Variants in ERBB4 observed in about 807,000 individuals in gnomAD.
ERBB4 encodes the protein receptor tyrosine-protein kinase erbB-4.
Under a neutral mutation model 158.0 loss-of-function variants are expected in ERBB4, and 42 were observed. That is an observed-to-expected ratio of 0.27 (90% CI 0.21 to 0.34). ERBB4 has a LOEUF of 0.34. Ranked by LOEUF, ERBB4 falls within the 10% of genes least tolerant of loss-of-function variation. ERBB4 has a pLI of 1.00. For missense variants in ERBB4, 1,333 were observed against 1,624.1 expected (o/e 0.82, Z 3.08); for synonymous variants, 583 against 558.7 (o/e 1.04, Z -0.61).
chr2:211,832,248 A>G (rs562336518), intron 3 of ERBB4, among the ~76,000 whole-genome samples: 1 of 152,222 alleles, frequency 6.6e-6, no homozygotes, highest in African/African-American at 2.4e-5. Flanking sequence ...ATGGATTTGA[A>G]AAAAAAGTTG....
At chr2:212,299,644 A>G (rs533004695) in intron 1 of ERBB4, among the ~76,000 whole-genome samples, 3 of 151,570 alleles carry the variant, frequency 2.0e-5, no homozygotes, top group African/African-American at 4.8e-5. Flanking sequence ...CATTATTTAG[A>G]AATAATAGCC....
At chr2:212,369,485 G>A (rs187029360) in intron 1 of ERBB4, among the ~76,000 whole-genome samples, 29 of 151,788 alleles carry the variant, frequency 1.9e-4, no homozygotes, top group Admixed American at 7.9e-4. Flanking sequence ...AATAATTCCC[G>A]TTATCATTTT....
At chr2:212,287,484 A>C (rs1367623786) in intron 1 of ERBB4, among the ~76,000 whole-genome samples, 1 of 152,162 alleles carries the variant, frequency 6.6e-6, no homozygotes, top group Non-Finnish European at 1.5e-5. Flanking sequence ...TTTATGTTTT[A>C]AAATGAATCT....
chr2:211,389,941 T>C (rs894351603), intron 25 of ERBB4, among the ~76,000 whole-genome samples: 5 of 152,226 alleles, frequency 3.3e-5, no homozygotes, highest in Non-Finnish European at 7.3e-5. Flanking sequence ...AAGCTACTCA[T>C]CAGAGGCATT....
chr2:211,941,760 C>A (rs949963059), intron 3 of ERBB4, among the ~76,000 whole-genome samples: 2 of 146,996 alleles, frequency 1.4e-5, no homozygotes, highest in Non-Finnish European at 3.0e-5. Flanking sequence ...ACCCAAAGCC[C>A]CAAGGAAACA....
At chr2:211,612,002 T>A (rs529143982) in intron 19 of ERBB4, among the ~76,000 whole-genome samples, 1 of 152,136 alleles carries the variant, frequency 6.6e-6, no homozygotes, top group Non-Finnish European at 1.5e-5. Context: ...ATGAATACCA[T>A]GTCAAAACGG....
At chr2:211,737,138 A>G (rs972962344) in intron 5 of ERBB4, among the ~76,000 whole-genome samples, 1 of 152,220 alleles carries the variant, frequency 6.6e-6, no homozygotes. Context: ...CTCTTACTCC[A>G]GCAGTAACAA....
intron 25 of ERBB4, among the ~76,000 whole-genome samples, chr2:211,401,921 A>T (rs1188389321): frequency 6.6e-6 from 1 of 151,588 alleles, no homozygotes; most frequent in East Asian, 1.9e-4. Context: ...CTGGGCCACT[A>T]TGTCACAATT....
At chr2:212,150,771 C>T (rs893703464) in intron 1 of ERBB4, among the ~76,000 whole-genome samples, 1 of 152,146 alleles carries the variant, frequency 6.6e-6, no homozygotes, top group Non-Finnish European at 1.5e-5. Flanking sequence ...TACATTCATG[C>T]CTAATTATCA....
At chr2:212,323,330 T>TA (rs1410080509) in intron 1 of ERBB4, among the ~76,000 whole-genome samples, 11 of 150,700 alleles carry the variant, frequency 7.3e-5, no homozygotes, top group African/African-American at 2.7e-4. Flanking sequence ...AAAATTATTT[T>TA]TCTAATTCTG....
intron 8 of ERBB4, among the ~76,000 whole-genome samples, chr2:211,713,290 G>A (rs2073773091): frequency 6.6e-6 from 1 of 152,038 alleles, no homozygotes; most frequent in Admixed American, 6.6e-5. Context: ...CTTTATTTCT[G>A]AGTTCCTATC....
chr2:211,600,319 C>G (rs1437490797), intron 19 of ERBB4, among the ~76,000 whole-genome samples: 1 of 151,790 alleles, frequency 6.6e-6, no homozygotes, highest in East Asian at 1.9e-4. Context: ...TAAAAAGATA[C>G]AAATACAGGA....
intron 1 of ERBB4, among the ~76,000 whole-genome samples, chr2:212,459,074 T>A (rs1004844170): frequency 6.6e-6 from 1 of 152,170 alleles, no homozygotes; most frequent in Non-Finnish European, 1.5e-5. Context: ...TAATCAAATG[T>A]TTGACAAGTA....
chr2:211,674,729 T>G (rs1159418947), intron 13 of ERBB4, among the ~76,000 whole-genome samples: 2 of 152,136 alleles, frequency 1.3e-5, no homozygotes, highest in Non-Finnish European at 2.9e-5. Flanking sequence ...AGTAAAATTA[T>G]AAAAATAATC....
intron 3 of ERBB4, among the ~76,000 whole-genome samples, chr2:211,913,667 ATG>A (rs1220772754): frequency 2.7e-5 from 3 of 113,044 alleles, no homozygotes; most frequent in African/African-American, 3.8e-5. Flanking sequence ...GTATGTGTGT[ATG>A]TGTGTGTGTA....
At chr2:211,898,744 A>G (rs1315635086) in intron 3 of ERBB4, among the ~76,000 whole-genome samples, 1 of 152,172 alleles carries the variant, frequency 6.6e-6, no homozygotes, top group Non-Finnish European at 1.5e-5. Flanking sequence ...TAACTAATTT[A>G]TATTTCTCTT....
chr2:212,176,317 T>C (rs1296916424), intron 1 of ERBB4, among the ~76,000 whole-genome samples: 1 of 151,880 alleles, frequency 6.6e-6, no homozygotes, highest in Non-Finnish European at 1.5e-5. Flanking sequence ...GTGGAGTCTT[T>C]GGGAAGTAAA....
At chr2:211,528,430 T>C (rs527773619) in intron 20 of ERBB4, among the ~76,000 whole-genome samples, 109 of 152,040 alleles carry the variant, frequency 7.2e-4, no homozygotes, top group Non-Finnish European at 1.4e-3. Flanking sequence ...ACACCCCCAC[T>C]TTCAGCATTG....
At chr2:212,198,733 C>CTTTTTTTTTTTTT (rs11448093) in intron 1 of ERBB4, among the ~76,000 whole-genome samples, 5 of 96,424 alleles carry the variant, frequency 5.2e-5, no homozygotes, top group South Asian at 4.1e-4. Flanking sequence ...TCACCACGCC[C>CTTTTTTTTTTTTT]TTTTTTTTTT....
Sources: gnomAD v4.1 joint callset for allele counts (sites outside exome capture counted in the v4.1 genomes callset) on GRCh38, gnomAD v4.1.1 for gene constraint, MANE v1.5 for transcripts, NCBI Gene and HGNC (gene_info 2026-07-23, HGNC 2026-07-21) for gene names.